Variants in GULP1 observed in about 807,000 individuals in gnomAD.
GULP1 encodes PTB domain-containing engulfment adapter protein 1.
A neutral mutation model predicts 40.9 loss-of-function variants in GULP1; 19 were observed. That is an observed-to-expected ratio of 0.46 (90% CI 0.32 to 0.68). The LOEUF is 0.68. GULP1 is among the 30% of genes least tolerant of loss of function. The pLI is 0.03. For synonymous variants in GULP1, 119 were observed against 117.6 expected (o/e 1.01, Z -0.08); for missense variants, 312 against 362.2 (o/e 0.86, Z 1.12).
intron 1 of GULP1, among the ~76,000 whole-genome samples, chr2:188,325,471 G>A (rs984361166): frequency 3.9e-5 from 6 of 151,968 alleles, no homozygotes; most frequent in South Asian, 2.1e-4. Flanking sequence ...AAAAAGATAC[G>A]ATATTCGTGA....
chr2:188,398,580 A>G (rs573925374), intron 2 of GULP1, among the ~76,000 whole-genome samples: 1 of 152,322 alleles, frequency 6.6e-6, no homozygotes, highest in South Asian at 2.1e-4. Flanking sequence ...TTATAAATTA[A>G]TTACTATTTG....
At position 188,562,118 on chromosome 2, in the gene GULP1, A is replaced by G. The variant is rs550723925; in HGVS notation, c.400-7121A>G. On this transcript the variant is annotated intron_variant, in intron 7 of 11. Transcript: ENST00000409830. ...CCCCAGGACAGTGTGCAATCTGCTCAAGGCTAGGATTCAAACTGGCATCTT... is the reference window on the plus strand; with the variant it reads ...CCCCAGGACAGTGTGCAATCTGCTCGAGGCTAGGATTCAAACTGGCATCTT... 9.9e-5 allele frequency among the ~76,000 whole-genome samples: 15 copies of G among 152,284 alleles called. No homozygotes were observed. In the South Asian group the frequency reaches 3.1e-3, roughly 32 times the overall value.
At chr2:188,299,873 G>A (rs993802944) in intron 1 of GULP1, among the ~76,000 whole-genome samples, 5 of 152,204 alleles carry the variant, frequency 3.3e-5, no homozygotes, top group Non-Finnish European at 7.4e-5. Flanking sequence ...GTGTCAGTCA[G>A]AGCAGGTGGG....
At chr2:188,554,904 T>C (rs753058613) in intron 7 of GULP1, among the ~76,000 whole-genome samples, 33 of 152,226 alleles carry the variant, frequency 2.2e-4, no homozygotes, top group Non-Finnish European at 3.8e-4. Context: ...TAATGACCTT[T>C]TCCATCTTTT....
At position 188,541,681 on chromosome 2, in the gene GULP1, G is replaced by A. The variant is rs576045526; in HGVS notation, c.399+363G>A. On this transcript the variant is annotated intron_variant, in intron 7 of 11. Transcript: ENST00000409830. ...ATACAAACAGTAGTGGTGAGCAAAC[G>A]TGTGTTTCCCCCACATGTGCAGAAT... 103 of 380,790 alleles carry A rather than the reference G, an allele frequency of 2.7e-4. 1 individual carries two copies. The highest frequency in any genetic ancestry group is 3.8e-4 in the Non-Finnish European group (83 of 216,522). The allele number at this position is 380,790 out of a possible 1,614,324, so 23.6% of individuals were successfully genotyped here.
chr2:188,323,197 C>T (rs77786151), intron 1 of GULP1, among the ~76,000 whole-genome samples: 42 of 152,108 alleles, frequency 2.8e-4, no homozygotes, highest in African/African-American at 9.9e-4. Context: ...TAATCCTTTG[C>T]AGACAGAGTG....
chr2:188,540,022 A>G (rs996122378), intron 6 of GULP1, among the ~76,000 whole-genome samples: 1 of 152,050 alleles, frequency 6.6e-6, no homozygotes, highest in African/African-American at 2.4e-5. Context: ...CCTAAAATAA[A>G]GCTTTTTTGG....
At chr2:188,551,084 T>A (rs1693341981) in intron 7 of GULP1, among the ~76,000 whole-genome samples, 1 of 151,678 alleles carries the variant, frequency 6.6e-6, no homozygotes, top group African/African-American at 2.4e-5. Flanking sequence ...GGTTCTTTTG[T>A]ATGTGATTTT....
chr2:188,563,399 T>C (rs1262985684), intron 7 of GULP1, among the ~76,000 whole-genome samples: 1 of 151,190 alleles, frequency 6.6e-6, no homozygotes, highest in African/African-American at 2.4e-5. Context: ...ATTTGGTAAA[T>C]AATATAAATT....
intron 1 of GULP1, among the ~76,000 whole-genome samples, chr2:188,374,730 T>G (rs1422066568): frequency 6.6e-6 from 1 of 151,838 alleles, no homozygotes; most frequent in African/African-American, 2.4e-5. Context: ...AGGGTCACCC[T>G]TAGCCAAACA....
chr2:188,298,948 C>T (rs2035577031), intron 1 of GULP1, among the ~76,000 whole-genome samples: 1 of 152,156 alleles, frequency 6.6e-6, no homozygotes, highest in African/African-American at 2.4e-5. Context: ...ATGGCAAGAG[C>T]ACACCAGACA....
At chr2:188,445,207 T>C (rs1275454224) in intron 2 of GULP1, among the ~76,000 whole-genome samples, 1 of 152,170 alleles carries the variant, frequency 6.6e-6, no homozygotes, top group Non-Finnish European at 1.5e-5. Context: ...TCTAGGTTTC[T>C]TCCTCAGCTT....
chr2:188,563,164 A>G (rs1696758316), intron 7 of GULP1, among the ~76,000 whole-genome samples: 1 of 152,112 alleles, frequency 6.6e-6, no homozygotes, highest in South Asian at 2.1e-4. Flanking sequence ...GAAACACTAC[A>G]GTAGAATCAA....
intron 2 of GULP1, among the ~76,000 whole-genome samples, chr2:188,389,575 T>G (rs1290214185): frequency 6.6e-6 from 1 of 152,172 alleles, no homozygotes; most frequent in Non-Finnish European, 1.5e-5. Context: ...TAGAGGTACC[T>G]TATATATTAA....
intron 2 of GULP1, among the ~76,000 whole-genome samples, chr2:188,415,247 G>A (rs2054426411): frequency 6.6e-6 from 1 of 151,942 alleles, no homozygotes; most frequent in Non-Finnish European, 1.5e-5. Flanking sequence ...GCACAATTTG[G>A]GGACTTAGAA....
intron 2 of GULP1, among the ~76,000 whole-genome samples, chr2:188,416,722 C>T (rs2054632943): frequency 6.6e-6 from 1 of 152,152 alleles, no homozygotes. Context: ...AATTTAGAGA[C>T]AGATTTGATC....
intron 1 of GULP1, among the ~76,000 whole-genome samples, chr2:188,357,302 A>C (rs2045469962): frequency 6.6e-6 from 1 of 152,204 alleles, no homozygotes; most frequent in Non-Finnish European, 1.5e-5. Flanking sequence ...TTTGCAAACT[A>C]TTCATCCAAT....
chr2:188,579,376 ATTAAT>A (rs1700811796), intron 9 of GULP1, among the ~76,000 whole-genome samples: 1 of 151,860 alleles, frequency 6.6e-6, no homozygotes, highest in Non-Finnish European at 1.5e-5. Context: ...ATTTTTATAT[ATTAAT>A]TTATTTTTAA....
At chr2:188,519,923 T>C (rs550837293) in intron 4 of GULP1, among the ~76,000 whole-genome samples, 35 of 152,204 alleles carry the variant, frequency 2.3e-4, no homozygotes, top group African/African-American at 8.4e-4. Flanking sequence ...AAACTACAGG[T>C]TGCATATTAA....
Sources: gnomAD v4.1 joint callset for allele counts (sites outside exome capture counted in the v4.1 genomes callset) on GRCh38, gnomAD v4.1.1 for gene constraint, MANE v1.5 for transcripts, NCBI Gene and HGNC (gene_info 2026-07-23, HGNC 2026-07-21) for gene names.